KIT: variants seen among roughly 807,000 people sequenced by gnomAD.
The protein encoded by KIT is KIT proto-oncogene, receptor tyrosine kinase.
Under a neutral mutation model 105.7 loss-of-function variants are expected in KIT, and 16 were observed. The observed-to-expected ratio is 0.15, with a 90% CI of 0.10 to 0.23. KIT has a LOEUF of 0.23. KIT is among the 10% of genes least tolerant of loss of function. The pLI, the probability that KIT is intolerant of heterozygous loss-of-function variation, is 1.00. For missense variants in KIT, 858 were observed against 1,213.8 expected, an observed-to-expected ratio of 0.71 and a Z score of 4.36; for synonymous variants, 438 against 441.1, an observed-to-expected ratio of 0.99 and a Z score of 0.09.
chr4:54,722,875 TTATA>T (rs1197522486), intron 7 of KIT, among the ~76,000 whole-genome samples: 3 of 138,718 alleles, frequency 2.2e-5, no homozygotes, highest in African/African-American at 8.9e-5. Context: ...GTATATATAT[TTATA>T]TATATGTATT....
chr4:54,727,782 C>T (rs751443431), intron 11 of KIT, 41 bp from the exon 12 acceptor site: 7 of 1,499,124 alleles, frequency 4.7e-6, no homozygotes, highest in South Asian at 1.1e-5. Context: ...ATTCCACCAC[C>T]AGCACCATCA....
chr4:54,666,978 G>T (rs372656503), intron 1 of KIT, among the ~76,000 whole-genome samples: 1 of 152,188 alleles, frequency 6.6e-6, no homozygotes, highest in Non-Finnish European at 1.5e-5. Context: ...GAAATTGTAC[G>T]GTGTGGTAGC....
At chr4:54,664,979 A>C (rs1717582544) in intron 1 of KIT, among the ~76,000 whole-genome samples, 1 of 151,908 alleles carries the variant, frequency 6.6e-6, no homozygotes, top group South Asian at 2.1e-4. Flanking sequence ...TGTTAAGTAC[A>C]TTCATACTGT....
chr4:54,735,448 A>G lies in KIT; in HGVS notation c.2485-1050A>G, dbSNP rs574139868. ...AAGAGAAGGATTGATTTAGCTTTTT[A>G]TGGCAGATTAAGATTGGGAATCCAG... is the stretch of plus-strand genomic sequence containing the variant. On this transcript the variant is annotated intron_variant, in intron 17 of 20. Transcript: ENST00000288135. Among the ~76,000 whole-genome samples, 6 of 151,176 alleles carry G rather than the reference A, an allele frequency of 4.0e-5. No homozygotes were observed. In the East Asian group the frequency reaches 5.9e-4, roughly 15 times the overall value.
At chr4:54,722,138 A>C (rs547993875) in intron 7 of KIT, among the ~76,000 whole-genome samples, 1 of 152,086 alleles carries the variant, frequency 6.6e-6, no homozygotes, top group South Asian at 2.1e-4. Context: ...GGCGCATGTC[A>C]CTGTGCCCAG....
rs1348209438 is a variant in KIT at position 54,727,892 on chromosome 4, A to G, written c.1844A>G (p.Asp615Gly). ...EATAYGLIKS[D>G]AAMTVAVKML... ...ACTGCTTATGGCTTAATTAAGTCAGATGCGGCCATGACTGTCGCTGTAAAG... is the reference window on the plus strand; with the variant it reads ...ACTGCTTATGGCTTAATTAAGTCAGGTGCGGCCATGACTGTCGCTGTAAAG... Residue 615 changes from aspartate to glycine, a missense_variant, in exon 12 of 21, where the codon GAT becomes GGT. Asp to Gly is a moderately conservative substitution (Grantham distance 94). Around this residue, in one of 7 missense-constraint regions of KIT, gnomAD observed 158 missense variants for 218.7 expected, o/e 0.72. Coordinates refer to ENST00000288135, the MANE Select transcript of KIT (RefSeq NM_000222.3). 1 of 1,614,066 alleles carries G rather than the reference A, an allele frequency of 6.2e-7. No homozygotes were observed. Among genetic ancestry groups the G allele is most frequent in the Non-Finnish European group, 8.5e-7 (1 of 1,179,994 alleles).
chr4:54,736,378 GA>G, intron 17 of KIT, 119 bp from the exon 18 acceptor site: 1 of 794,740 alleles, frequency 1.3e-6, no homozygotes. Flanking sequence ...GTTTTTGTGA[GA>G]TGGTACTCAA....
chr4:54,676,387 GGCTGT>G (rs1163417433), intron 1 of KIT, among the ~76,000 whole-genome samples: 1 of 152,224 alleles, frequency 6.6e-6, no homozygotes, highest in Admixed American at 6.5e-5. Context: ...ACAGCTGTCA[GGCTGT>G]GCTAGTTAAA....
At chr4:54,684,542 A>G (rs1014403556) in intron 1 of KIT, among the ~76,000 whole-genome samples, 6 of 151,632 alleles carry the variant, frequency 4.0e-5, no homozygotes, top group Non-Finnish European at 5.9e-5. Context: ...CATCTCCCCA[A>G]CTCTTCATTC....
intron 1 of KIT, among the ~76,000 whole-genome samples, chr4:54,661,126 T>TA (rs1350465680): frequency 8.5e-5 from 13 of 152,180 alleles, no homozygotes; most frequent in African/African-American, 2.9e-4. Context: ...GCAAGCCAGT[T>TA]AAAAATCCAT....
intron 5 of KIT, among the ~76,000 whole-genome samples, 162 bp downstream of exon 5, chr4:54,704,054 C>T (rs1184997642): frequency 2.6e-5 from 4 of 152,218 alleles, no homozygotes; most frequent in Non-Finnish European, 5.9e-5. Flanking sequence ...AATGAAAGCA[C>T]AAAACCAAAT....
At position 54,736,644 on chromosome 4, in the gene KIT, A is replaced by G. The variant is rs181616636; in HGVS notation, c.2596+35A>G. 2.5e-6 allele frequency: 4 copies of G among 1,596,824 alleles called. No individual in the cohort carries two copies. In the African/African-American group the frequency reaches 4.0e-5, roughly 16 times the overall value. ...TCCTTGCCAAAGACAACTTCATTAG[A>G]CTCAGAGCATCTTCTTGAAGTTTCA... On this transcript the variant is annotated intron_variant, in intron 18 of 20. Transcript: ENST00000288135.
In KIT at chr4:54,695,796, T is replaced by C. The variant is rs200323511; in HGVS notation, c.337+15T>C. On this transcript the variant is annotated intron_variant, in intron 2 of 20. Coordinates refer to ENST00000288135, the MANE Select transcript of KIT (RefSeq NM_000222.3). ...GTTTGTTAGAGGTAAATGCTTGGCT[T>C]TCTGCAGTGCTGTGCTTTCAAGAAT... 47 of 1,614,074 alleles carry C rather than the reference T, an allele frequency of 2.9e-5. No homozygotes were observed. Among genetic ancestry groups the C allele is most frequent in the Non-Finnish European group, 8.5e-6 (10 of 1,180,030 alleles).
At chr4:54,691,513 A>G (rs1669459290) in intron 1 of KIT, among the ~76,000 whole-genome samples, 1 of 152,126 alleles carries the variant, frequency 6.6e-6, no homozygotes, top group Non-Finnish European at 1.5e-5. Context: ...GGGCATGACA[A>G]CGGATGAAGA....
chr4:54,731,845 T>C (rs1424909345), intron 15 of KIT, 26 bp from the exon 16 acceptor site: 2 of 1,612,372 alleles, frequency 1.2e-6, no homozygotes, highest in African/African-American at 1.3e-5. Context: ...TTGTAATTGC[T>C]AAGAAAAATC....
intron 5 of KIT, among the ~76,000 whole-genome samples, chr4:54,706,440 A>G (rs1300063541): frequency 2.0e-5 from 3 of 152,062 alleles, no homozygotes; most frequent in Non-Finnish European, 4.4e-5. Flanking sequence ...TTCCTGTTAC[A>G]TTAATTATTT....
intron 1 of KIT, among the ~76,000 whole-genome samples, chr4:54,694,013 T>C (rs1392773095): frequency 6.6e-6 from 1 of 152,220 alleles, no homozygotes; most frequent in African/African-American, 2.4e-5. Flanking sequence ...GGGATCTCAC[T>C]ATGCATGTCA....
intron 16 of KIT, 115 bp from the exon 17 acceptor site, chr4:54,732,955 A>G: frequency 1.1e-6 from 1 of 873,092 alleles, no homozygotes; most frequent in Admixed American, 2.3e-5. Flanking sequence ...ACTTTAAAAC[A>G]AAAGTATTGG....
At chr4:54,733,214 G>C (rs2109802289) in intron 17 of KIT, 22 bp downstream of exon 17, 1 of 1,610,118 alleles carries the variant, frequency 6.2e-7, no homozygotes, top group Non-Finnish European at 8.5e-7. Context: ...TTCTCTGCTT[G>C]ACAGTCCTGC....
Sources: gnomAD v4.1 joint callset for allele counts (sites outside exome capture counted in the v4.1 genomes callset) on GRCh38, gnomAD v4.1.1 for gene constraint, gnomAD v4.1.1 regional missense constraint, MANE v1.5 for transcripts, NCBI Gene and HGNC (gene_info 2026-07-23, HGNC 2026-07-21) for gene names.